NUF2: variants seen among roughly 807,000 people sequenced by gnomAD.
NUF2 encodes kinetochore protein Nuf2.
A neutral mutation model predicts 61.8 loss-of-function variants in NUF2; 34 were observed. The ratio of observed to expected loss-of-function variants is 0.55; its 90% CI spans 0.42 to 0.73. NUF2 has a LOEUF of 0.73. Among genes scored for constraint, NUF2 ranks in the 30% least tolerant of loss-of-function variants. The pLI is 0.00. For missense variants in NUF2, 445 were observed against 539.1 expected (o/e 0.83, Z 1.73); for synonymous variants, 172 against 181.6 (o/e 0.95, Z 0.42).
chr1:163,344,530 T>A (rs1651054569), intron 10 of NUF2, among the ~76,000 whole-genome samples: 1 of 150,500 alleles, frequency 6.6e-6, no homozygotes, highest in African/African-American at 2.4e-5. Context: ...TGGAAGAATA[T>A]TAAAGGCAGA....
At chr1:163,340,875 CTT>C (rs1650920789) in intron 9 of NUF2, among the ~76,000 whole-genome samples, 1 of 152,134 alleles carries the variant, frequency 6.6e-6, no homozygotes, top group Middle Eastern at 3.4e-3. Context: ...TTCTGATAGA[CTT>C]TTACATAGAT....
intron 5 of NUF2, among the ~76,000 whole-genome samples, chr1:163,336,075 CT>C (rs146207941): frequency 0.12 from 17,847 of 151,982 alleles, 1,176 homozygotes; most frequent in South Asian, 0.23. Flanking sequence ...TAATATGTTT[CT>C]GTTGATTGAT....
intron 5 of NUF2, among the ~76,000 whole-genome samples, chr1:163,335,348 G>A (rs1275371849): frequency 6.6e-6 from 1 of 152,140 alleles, no homozygotes; most frequent in Admixed American, 6.5e-5. Context: ...CTACAGTATA[G>A]AATTCTTAGT....
intron 9 of NUF2, 29 bp downstream of exon 9, chr1:163,340,455 TA>T (rs1443934572): frequency 1.3e-6 from 2 of 1,543,156 alleles, no homozygotes; most frequent in Admixed American, 3.4e-5. Flanking sequence ...CACTAGCATT[TA>T]AAGTTTGAAT....
chr1:163,345,171 C>T (rs1273242681), intron 10 of NUF2, among the ~76,000 whole-genome samples: 1 of 151,926 alleles, frequency 6.6e-6, no homozygotes, highest in East Asian at 1.9e-4. Context: ...TAAGGTAGAA[C>T]AAGGGGTAGG....
chr1:163,328,852 A>G lies in NUF2; in HGVS notation c.282A>G (p.Ser94=). ...TTTGTACTTCATCTTCAAGGGACTC[A>G]TTTTTGCCTATCTGCCGGGTGAATG... ...PFSNLVTHLD[S]FLPICRVNDF... is the part of the protein sequence containing the mutation. Residue 94 remains serine (S), a synonymous_variant, in exon 5 of 14, where the codon TCA becomes TCG. Transcript: ENST00000271452. The G allele has an allele frequency of 6.2e-7, 1 of 1,602,382 alleles. No individual in the cohort carries two copies. Among genetic ancestry groups the G allele is most frequent in the Admixed American group, 1.7e-5 (1 of 59,734 alleles).
chr1:163,346,917 C>T (rs1259938034), intron 11 of NUF2, among the ~76,000 whole-genome samples: 3 of 152,142 alleles, frequency 2.0e-5, no homozygotes, highest in Non-Finnish European at 4.4e-5. Context: ...AATCACACTA[C>T]TTAGAACAGC....
chr1:163,334,783 G>A (rs1650701898), intron 5 of NUF2, among the ~76,000 whole-genome samples: 1 of 151,988 alleles, frequency 6.6e-6, no homozygotes, highest in African/African-American at 2.4e-5. Context: ...GCTTCTTTTT[G>A]AGAAGGAAAG....
chr1:163,330,831 A>G (rs762280855), intron 5 of NUF2, among the ~76,000 whole-genome samples: 18 of 151,950 alleles, frequency 1.2e-4, no homozygotes, highest in Non-Finnish European at 2.4e-4. Flanking sequence ...GGTTCTGTAA[A>G]TTTAATTTAA....
intron 1 of NUF2, chr1:163,323,144 G>GT: frequency 6.6e-6 from 1 of 152,296 alleles, no homozygotes; most frequent in South Asian, 2.1e-4. Context: ...TGCGTTAAGT[G>GT]TTTTTATAAG....
intron 5 of NUF2, among the ~76,000 whole-genome samples, chr1:163,332,931 C>CAT (rs1342823611): frequency 6.6e-6 from 1 of 152,146 alleles, no homozygotes; most frequent in Non-Finnish European, 1.5e-5. Flanking sequence ...GTAAAAGTTC[C>CAT]ATGAGTGCTG....
chr1:163,347,613 G>A, intron 11 of NUF2, 150 bp from the exon 12 acceptor site: 1 of 542,366 alleles, frequency 1.8e-6, no homozygotes, highest in Non-Finnish European at 3.1e-6. Flanking sequence ...TGGTTCATCT[G>A]CATTTTTCTG....
chr1:163,337,668 T>C (rs956958147), intron 6 of NUF2, among the ~76,000 whole-genome samples: 2 of 152,080 alleles, frequency 1.3e-5, no homozygotes, highest in African/African-American at 4.8e-5. Context: ...TTCCCAGCCA[T>C]TACCCAAGTT....
At chr1:163,340,243 T>C (rs1002859391) in intron 8 of NUF2, 121 bp from the exon 9 acceptor site, 1 of 728,558 alleles carries the variant, frequency 1.4e-6, no homozygotes, top group East Asian at 2.7e-5. Context: ...CAGAGAAAGT[T>C]TGAAGAATAT....
At chr1:163,347,520 C>G (rs930115160) in intron 11 of NUF2, among the ~76,000 whole-genome samples, 2 of 152,176 alleles carry the variant, frequency 1.3e-5, no homozygotes, top group Non-Finnish European at 2.9e-5. Context: ...ACATGTCTCC[C>G]TTTCAGTCTG....
intron 5 of NUF2, among the ~76,000 whole-genome samples, chr1:163,329,246 A>C (rs188534913): frequency 1.3e-5 from 2 of 152,146 alleles, no homozygotes; most frequent in Non-Finnish European, 2.9e-5. Context: ...AAGAATTACT[A>C]TTTACCATAT....
chr1:163,340,283 C>A, intron 8 of NUF2, 81 bp from the exon 9 acceptor site: 1 of 1,042,228 alleles, frequency 9.6e-7, no homozygotes, highest in South Asian at 1.4e-5. Flanking sequence ...TCCTTTCTTA[C>A]CTTAATTTTA....
intron 10 of NUF2, 64 bp from the exon 11 acceptor site, chr1:163,345,614 G>T: frequency 7.1e-7 from 1 of 1,409,486 alleles, no homozygotes; most frequent in South Asian, 1.3e-5. Context: ...CAAACAAATT[G>T]ATATTACTGC....
At chr1:163,354,304 G>A (rs528804984) in intron 13 of NUF2, among the ~76,000 whole-genome samples, 1 of 152,150 alleles carries the variant, frequency 6.6e-6, no homozygotes, top group African/African-American at 2.4e-5. Context: ...TAATAACTAT[G>A]TTTGGATTTT....
Sources: allele counts gnomAD v4.1 joint callset (sites outside exome capture counted in the v4.1 genomes callset), GRCh38; gene constraint gnomAD v4.1.1; transcripts MANE v1.5; gene names NCBI Gene and HGNC (gene_info 2026-07-23, HGNC 2026-07-21).